The following PTPRD variants were observed in gnomAD, a reference collection of about 807,000 sequenced individuals.
The protein encoded by PTPRD is protein tyrosine phosphatase receptor type D, also known as receptor-type tyrosine-protein phosphatase delta.
Under a neutral mutation model 214.5 loss-of-function variants are expected in PTPRD, and 34 were observed. The observed-to-expected ratio is 0.16, with a 90% CI of 0.12 to 0.21. The LOEUF is 0.21. Among genes scored for constraint, PTPRD ranks in the 10% least tolerant of loss-of-function variants. The probability of loss-of-function intolerance (pLI) is 1.00; values close to 1 mark genes in which losing one functional copy is unlikely to be tolerated. For missense variants in PTPRD, 2,545 were observed against 2,398.7 expected (o/e 1.06, Z -1.27); for synonymous variants, 1,128 against 845.7 (o/e 1.33, Z -5.79).
intron 9 of PTPRD, among the ~76,000 whole-genome samples, chr9:9,250,209 A>G (rs1017471767): frequency 5.9e-5 from 9 of 152,118 alleles, no homozygotes; most frequent in Non-Finnish European, 1.3e-4. Flanking sequence ...GGCCCTGAGC[A>G]TGAGCATGTG....
intron 11 of PTPRD, among the ~76,000 whole-genome samples, chr9:8,743,685 G>A (rs1375044178): frequency 6.6e-6 from 1 of 151,872 alleles, no homozygotes; most frequent in Admixed American, 6.6e-5. Context: ...TCTAGACATC[G>A]GCTTAGGCAA....
At chr9:9,977,765 A>C (rs868803677) in intron 4 of PTPRD, among the ~76,000 whole-genome samples, 43 of 152,278 alleles carry the variant, frequency 2.8e-4, no homozygotes, top group African/African-American at 9.9e-4. Context: ...GTAAGAAAGA[A>C]GGGAATTTAG....
intron 3 of PTPRD, among the ~76,000 whole-genome samples, chr9:10,146,977 C>T (rs575921781): frequency 6.6e-6 from 1 of 151,636 alleles, no homozygotes; most frequent in African/African-American, 2.4e-5. Context: ...ATGTAGGTGG[C>T]GACTTCAAGT....
intron 11 of PTPRD, among the ~76,000 whole-genome samples, chr9:8,890,819 A>G (rs185162107): frequency 3.1e-3 from 470 of 152,226 alleles, no homozygotes; most frequent in Non-Finnish European, 4.5e-3. Context: ...ATAATTGCCT[A>G]TTTTCATTTG....
intron 12 of PTPRD, among the ~76,000 whole-genome samples, chr9:8,663,259 C>G (rs890629791): frequency 6.9e-6 from 1 of 145,328 alleles, no homozygotes; most frequent in Non-Finnish European, 1.5e-5. Context: ...CTTTCCAAAA[C>G]GAAACTAGTA....
At chr9:10,267,379 A>C (rs2094141469) in intron 3 of PTPRD, among the ~76,000 whole-genome samples, 1 of 152,148 alleles carries the variant, frequency 6.6e-6, no homozygotes, top group East Asian at 1.9e-4. Context: ...TATAGGAAGC[A>C]ACTATGGTTT....
At chr9:10,552,817 C>T (rs566214298) in intron 2 of PTPRD, among the ~76,000 whole-genome samples, 1 of 152,216 alleles carries the variant, frequency 6.6e-6, no homozygotes, top group South Asian at 2.1e-4. Flanking sequence ...CACATGGCAA[C>T]AGCACAGGTT....
intron 8 of PTPRD, among the ~76,000 whole-genome samples, chr9:9,532,328 G>A (rs1432870262): frequency 1.3e-5 from 2 of 152,014 alleles, no homozygotes; most frequent in Non-Finnish European, 2.9e-5. Flanking sequence ...ATAAAGTCTG[G>A]GACAAATGAA....
intron 10 of PTPRD, among the ~76,000 whole-genome samples, chr9:9,078,920 T>C (rs934896841): frequency 6.6e-6 from 1 of 152,062 alleles, no homozygotes; most frequent in Non-Finnish European, 1.5e-5. Context: ...GTAATTAGCA[T>C]ATTTCAATAC....
At chr9:9,972,615 T>A (rs2095170032) in intron 4 of PTPRD, among the ~76,000 whole-genome samples, 1 of 152,206 alleles carries the variant, frequency 6.6e-6, no homozygotes, top group Admixed American at 6.5e-5. Flanking sequence ...AATTTGTTAT[T>A]GTACAGTTTT....
At chr9:8,804,144 G>C (rs2096626855) in intron 11 of PTPRD, among the ~76,000 whole-genome samples, 1 of 151,968 alleles carries the variant, frequency 6.6e-6, no homozygotes, top group Non-Finnish European at 1.5e-5. Context: ...GTAGAGACAG[G>C]GTTTCGCTAT....
intron 9 of PTPRD, among the ~76,000 whole-genome samples, chr9:9,211,352 T>G (rs1041905328): frequency 6.6e-6 from 1 of 152,212 alleles, no homozygotes; most frequent in African/African-American, 2.4e-5. Context: ...TAATAGGTCT[T>G]GTGTCCTAAG....
At chr9:10,505,743 T>C (rs1566590696) in intron 2 of PTPRD, among the ~76,000 whole-genome samples, 2 of 151,506 alleles carry the variant, frequency 1.3e-5, no homozygotes, top group Middle Eastern at 6.9e-3. Context: ...ATCAAAGAAA[T>C]ACTATTTTAA....
intron 36 of PTPRD, among the ~76,000 whole-genome samples, chr9:8,398,286 T>G (rs1043957973): frequency 6.6e-6 from 1 of 152,086 alleles, no homozygotes; most frequent in Non-Finnish European, 1.5e-5. Flanking sequence ...CTATTAATAA[T>G]CCCATTATAC....
chr9:9,113,998 C>T lies in PTPRD; in HGVS notation c.-143+69306G>A, dbSNP rs1298712286. ...CTAGCAGGTTTCTTTTCCAGGTTTA[C>T]TCTATATTTGACAAGTGGGCTGTTT... On this transcript the variant is annotated intron_variant, in intron 10 of 45. Transcript: ENST00000381196. 2.6e-5 allele frequency among the ~76,000 whole-genome samples: 4 copies of T among 152,112 alleles called. 1 individual carries two copies. Among genetic ancestry groups the T allele is most frequent in the Admixed American group, 2.0e-4 (3 of 15,250 alleles).
intron 3 of PTPRD, among the ~76,000 whole-genome samples, chr9:10,196,134 T>C (rs1054622691): frequency 6.6e-6 from 1 of 152,184 alleles, no homozygotes; most frequent in African/African-American, 2.4e-5. Flanking sequence ...TCAAAAATCA[T>C]TGAACTTTAA....
At chr9:8,492,439 C>T (rs566298182) in intron 27 of PTPRD, among the ~76,000 whole-genome samples, 30 of 152,186 alleles carry the variant, frequency 2.0e-4, no homozygotes, top group African/African-American at 6.7e-4. Context: ...ATTGCCTATA[C>T]GCTTTTACTT....
At chr9:10,464,068 T>TA (rs2018272983) in intron 2 of PTPRD, among the ~76,000 whole-genome samples, 1 of 152,056 alleles carries the variant, frequency 6.6e-6, no homozygotes. Context: ...TATAAATACC[T>TA]ATAGCTATAA....
intron 9 of PTPRD, among the ~76,000 whole-genome samples, chr9:9,378,367 T>G (rs1237808048): frequency 6.6e-6 from 1 of 152,210 alleles, no homozygotes; most frequent in East Asian, 1.9e-4. Context: ...AGATCATTTC[T>G]TTTTAGCAGT....
Sources: allele counts gnomAD v4.1 joint callset (sites outside exome capture counted in the v4.1 genomes callset), GRCh38; gene constraint gnomAD v4.1.1; transcripts MANE v1.5; gene names NCBI Gene and HGNC (gene_info 2026-07-23, HGNC 2026-07-21).